PEX14: variants seen among roughly 807,000 people sequenced by gnomAD.
PEX14 encodes the protein peroxisomal membrane protein PEX14.
A neutral mutation model predicts 49.5 loss-of-function variants in PEX14; 15 were observed. That is an observed-to-expected ratio of 0.30 (90% confidence interval 0.20 to 0.47). PEX14 has a LOEUF of 0.47. Ranked by LOEUF, PEX14 falls within the 20% of genes least tolerant of loss-of-function variation. PEX14 has a pLI of 1.00. For synonymous variants in PEX14, 210 were observed against 212.7 expected, an observed-to-expected ratio of 0.99 and a Z score of 0.11; for missense variants, 398 against 494.8, an observed-to-expected ratio of 0.80 and a Z score of 1.86.
At chr1:10,522,049 T>G (rs914177276) in intron 2 of PEX14, among the ~76,000 whole-genome samples, 1 of 152,224 alleles carries the variant, frequency 6.6e-6, no homozygotes, top group Non-Finnish European at 1.5e-5. Context: ...GACGTGTTCA[T>G]GAAGTCGGCT....
At chr1:10,607,058 G>A (rs774941467) in intron 4 of PEX14, among the ~76,000 whole-genome samples, 1 of 152,084 alleles carries the variant, frequency 6.6e-6, no homozygotes, top group Non-Finnish European at 1.5e-5. Flanking sequence ...GGCAACCACT[G>A]ATCTGCTTTC....
At chr1:10,566,043 G>A (rs905441262) in intron 3 of PEX14, among the ~76,000 whole-genome samples, 15 of 152,230 alleles carry the variant, frequency 9.9e-5, no homozygotes, top group African/African-American at 2.4e-4. Context: ...GCATCTTATA[G>A]GGTATTTGCT....
intron 2 of PEX14, among the ~76,000 whole-genome samples, chr1:10,522,536 G>A (rs1218435007): frequency 6.6e-6 from 1 of 152,240 alleles, no homozygotes; most frequent in African/African-American, 2.4e-5. Flanking sequence ...GATGGCTCAA[G>A]ATCTCTTTTG....
intron 3 of PEX14, among the ~76,000 whole-genome samples, chr1:10,584,294 G>A (rs11585893): frequency 0.24 from 36,267 of 152,002 alleles, 5,410 homozygotes; most frequent in African/African-American, 0.42. Flanking sequence ...AGTGTTAGAC[G>A]TATTAAGTTT....
intron 2 of PEX14, among the ~76,000 whole-genome samples, chr1:10,499,032 A>G (rs900172842): frequency 1.3e-5 from 2 of 152,252 alleles, no homozygotes; most frequent in Admixed American, 6.5e-5. Flanking sequence ...TGCCTGGTCT[A>G]TAAGTATTTT....
At chr1:10,606,173 C>T (rs1360792094) in intron 4 of PEX14, among the ~76,000 whole-genome samples, 1 of 152,188 alleles carries the variant, frequency 6.6e-6, no homozygotes, top group Non-Finnish European at 1.5e-5. Context: ...GTAGGCAGCC[C>T]AGGCTGCCAG....
intron 3 of PEX14, among the ~76,000 whole-genome samples, chr1:10,575,675 T>C (rs1200416995): frequency 6.6e-6 from 1 of 152,242 alleles, no homozygotes; most frequent in Non-Finnish European, 1.5e-5. Flanking sequence ...CTAACGTTCT[T>C]CTAGTTTCTT....
intron 3 of PEX14, among the ~76,000 whole-genome samples, chr1:10,555,091 C>T (rs781081813): frequency 2.0e-5 from 3 of 152,096 alleles, no homozygotes; most frequent in Non-Finnish European, 4.4e-5. Context: ...GAACACATCC[C>T]ATCCCTTCCC....
chr1:10,544,045 G>T (rs562108985), intron 3 of PEX14, among the ~76,000 whole-genome samples: 1 of 152,322 alleles, frequency 6.6e-6, no homozygotes, highest in East Asian at 1.9e-4. Flanking sequence ...CGGGTTGGTA[G>T]CAGTAGAGAT....
chr1:10,627,575 C>A (rs568985957), intron 8 of PEX14, among the ~76,000 whole-genome samples: 16 of 152,302 alleles, frequency 1.1e-4, no homozygotes, highest in African/African-American at 3.8e-4. Context: ...CTGTGGCACA[C>A]AAGTTTTGAA....
intron 3 of PEX14, among the ~76,000 whole-genome samples, chr1:10,563,656 G>A (rs1208711186): frequency 1.3e-5 from 2 of 148,610 alleles, no homozygotes; most frequent in Non-Finnish European, 3.0e-5. Context: ...CGGGCGCAGT[G>A]GCTCACACCT....
intron 3 of PEX14, among the ~76,000 whole-genome samples, chr1:10,594,428 C>CTGCCCTTGG (rs1557864012): frequency 6.6e-6 from 1 of 152,206 alleles, no homozygotes; most frequent in East Asian, 1.9e-4. Context: ...GTCCCAATGA[C>CTGCCCTTGG]CAGCCCTTGA....
chr1:10,537,415 A>G (rs1443343331), intron 3 of PEX14, among the ~76,000 whole-genome samples: 3 of 139,522 alleles, frequency 2.2e-5, no homozygotes, highest in African/African-American at 5.3e-5. Context: ...CTCCGCAAGC[A>G]TCATGCCATA....
chr1:10,496,824 C>T (rs1641574834), intron 2 of PEX14, among the ~76,000 whole-genome samples: 1 of 151,848 alleles, frequency 6.6e-6, no homozygotes, highest in Admixed American at 6.6e-5. Context: ...ACCCTAGTAG[C>T]CTGTGATCGT....
Position 10,593,091 on chromosome 1 carries a change from T to G in PEX14, c.170-6147T>G, listed in dbSNP as rs370635762. ...GCACTGGCTTTTTTACTCAGTGATTTACACTGGGAGACGTGGCTGGGTGAT... is the reference window on the plus strand; with the variant it reads ...GCACTGGCTTTTTTACTCAGTGATTGACACTGGGAGACGTGGCTGGGTGAT... On this transcript the variant is annotated intron_variant, in intron 3 of 8. Transcript: ENST00000356607. Among the ~76,000 whole-genome samples, 11 of 152,384 alleles carry G rather than the reference T, an allele frequency of 7.2e-5. No homozygotes were observed. The South Asian group carries it at 2.3e-3, about 32-fold the overall frequency.
rs1184008068 is a variant in PEX14, at chr1:10,581,520, G to A, written c.170-17718G>A. ...AGGATTTCACCATCTTGGCCAGGCT[G>A]ATCTTGAACTCCTGACCTTATGATC... On this transcript the variant is annotated intron_variant, in intron 3 of 8. Coordinates refer to ENST00000356607, the MANE Select transcript of PEX14 (RefSeq NM_004565.3). Among the ~76,000 whole-genome samples, 3 of 151,446 alleles carry A rather than the reference G, an allele frequency of 2.0e-5. No individual in the cohort carries two copies. In the East Asian group the frequency reaches 5.8e-4, roughly 29 times the overall value.
chr1:10,568,678 A>G (rs1266056560), intron 3 of PEX14, among the ~76,000 whole-genome samples: 1 of 152,170 alleles, frequency 6.6e-6, no homozygotes, highest in Non-Finnish European at 1.5e-5. Flanking sequence ...CTTTGTGTTC[A>G]TGCCCTCAGA....
intron 3 of PEX14, among the ~76,000 whole-genome samples, chr1:10,582,236 C>A (rs559701192): frequency 6.6e-6 from 1 of 151,914 alleles, no homozygotes; most frequent in East Asian, 1.9e-4. Context: ...ATATATCTTA[C>A]AGCTATTGAA....
rs528034131 is a variant in PEX14, at chr1:10,485,901, G to A, written c.37-9373G>A. Among the ~76,000 whole-genome samples the A allele has an allele frequency of 6.0e-5, 9 of 151,248 alleles. 1 individual carries two copies. The South Asian group carries it at 8.3e-4, about 14-fold the overall frequency. ...CTCCCTAGTAGCTGAGATTGCAGAC[G>A]CCCGCCACCACGCCTGGCTAATTTT... On this transcript the variant is annotated intron_variant, in intron 1 of 8. Transcript: ENST00000356607.
Sources: allele counts gnomAD v4.1 joint callset (sites outside exome capture counted in the v4.1 genomes callset), GRCh38; gene constraint gnomAD v4.1.1; transcripts MANE v1.5; gene names NCBI Gene and HGNC (gene_info 2026-07-23, HGNC 2026-07-21).